Variants in SLC45A2 observed in about 807,000 individuals in gnomAD.
SLC45A2 encodes the protein membrane-associated transporter protein.
In SLC45A2, 36 loss-of-function variants were observed where a neutral mutation model predicts 45.5. The observed-to-expected ratio is 0.79, with a 90% CI of 0.61 to 1.04. SLC45A2 has a LOEUF of 1.04. SLC45A2 is among the 50% of genes least tolerant of loss of function. The pLI is 0.00. For synonymous variants in SLC45A2, 306 were observed against 269.3 expected, an observed-to-expected ratio of 1.14 and a Z score of -1.33; for missense variants, 719 against 671.0, an observed-to-expected ratio of 1.07 and a Z score of -0.79.
At chr5:33,972,024 GA>G in intron 2 of SLC45A2, 1 of 465,366 alleles carries the variant, frequency 2.1e-6, no homozygotes, top group Non-Finnish European at 4.3e-6. Flanking sequence ...TTACAGGTGT[GA>G]GCCACCACAC....
chr5:33,977,425 A>C (rs192045005), intron 2 of SLC45A2, among the ~76,000 whole-genome samples: 3 of 152,272 alleles, frequency 2.0e-5, no homozygotes, highest in African/African-American at 7.2e-5. Context: ...TCATCTACTC[A>C]ATAAACTTTT....
At chr5:33,972,046 C>G (rs1188730878) in intron 2 of SLC45A2, 1 of 477,186 alleles carries the variant, frequency 2.1e-6, no homozygotes, top group African/African-American at 2.0e-5. Context: ...CTGGCCAGGA[C>G]TGCAATTTCT....
chr5:33,966,427 CTT>C (rs367752652), intron 2 of SLC45A2, among the ~76,000 whole-genome samples: 8,713 of 94,626 alleles, frequency 0.092, 281 homozygotes, highest in East Asian at 0.31. Context: ...AAGCTACTTT[CTT>C]TTTTTTTTTT....
rs891359209 is a variant in SLC45A2, at chr5:33,984,269, G to A, written c.315C>T (p.Tyr105=). ...GCATCATGACTCCCAGGGTGAGGAT[G>A]TAGGGTCTCCGGCGGCCCCACCTGG... ...CRSRWGRRRP[Y]ILTLGVMMLV... Residue 105 remains tyrosine (Y), a synonymous_variant, in exon 1 of 7, where the codon TAC becomes TAT. Transcript: ENST00000296589. The A allele has an allele frequency of 6.2e-7, 1 of 1,614,210 alleles. No individual in the cohort carries two copies. Among genetic ancestry groups the A allele is most frequent in the Non-Finnish European group, 8.5e-7 (1 of 1,180,040 alleles).
chr5:33,951,431 G>A (rs191174743), intron 5 of SLC45A2, 123 bp downstream of exon 5: 22 of 1,594,568 alleles, frequency 1.4e-5, no homozygotes, highest in African/African-American at 6.7e-5. Flanking sequence ...TTTTCCTGAC[G>A]TCCATAGATT....
At chr5:33,974,733 G>A (rs887954893) in intron 2 of SLC45A2, among the ~76,000 whole-genome samples, 1 of 152,122 alleles carries the variant, frequency 6.6e-6, no homozygotes. Context: ...ATACCACAGT[G>A]GGATCACATA....
At chr5:33,960,748 T>C (rs1057366390) in intron 3 of SLC45A2, among the ~76,000 whole-genome samples, 3 of 152,120 alleles carry the variant, frequency 2.0e-5, no homozygotes, top group East Asian at 3.8e-4. Context: ...TGTTCCCCAA[T>C]AGCCTATGGA....
chr5:33,951,111 C>T (rs1008043280), intron 5 of SLC45A2, among the ~76,000 whole-genome samples: 1 of 152,218 alleles, frequency 6.6e-6, no homozygotes, highest in African/African-American at 2.4e-5. Context: ...CCCAGTTACA[C>T]ATCTGAGCTA....
At chr5:33,966,735 C>A (rs1173929129) in intron 2 of SLC45A2, among the ~76,000 whole-genome samples, 1 of 152,170 alleles carries the variant, frequency 6.6e-6, no homozygotes, top group East Asian at 1.9e-4. Context: ...GTAAATCTGA[C>A]AGGATTTCTC....
intron 2 of SLC45A2, among the ~76,000 whole-genome samples, chr5:33,964,451 T>C (rs556547259): frequency 6.6e-6 from 1 of 152,326 alleles, no homozygotes; most frequent in East Asian, 1.9e-4. Flanking sequence ...AACCAATTTC[T>C]GGCAGCAATA....
In SLC45A2 at chr5:33,963,802, T is replaced by G. The variant is rs765425532; in HGVS notation, c.777A>C (p.Pro259=). Residue 259 remains proline, a synonymous_variant, in exon 3 of 7, where the codon CCA becomes CCC. Coordinates refer to ENST00000296589, the MANE Select transcript of SLC45A2 (RefSeq NM_016180.5). ...ACTCGTACATTCCATCTGATGACAA[T>G]GGAGGGTCCTGAGGGGTTTGCTGTG... ...IPPQQTPQDP[P]LSSDGMYEYG... 5.5e-5 allele frequency: 88 copies of G among 1,614,070 alleles called. No homozygotes were observed. The highest frequency in any genetic ancestry group is 6.4e-5 in the Non-Finnish European group (75 of 1,180,026).
At chr5:33,978,345 G>C (rs1752987091) in intron 2 of SLC45A2, among the ~76,000 whole-genome samples, 1 of 152,048 alleles carries the variant, frequency 6.6e-6, no homozygotes. Flanking sequence ...ATATTTCTTT[G>C]ATATATCTTG....
rs78855057 is a variant in SLC45A2, at chr5:33,946,383, A to G, written c.1368+780T>C. The stretch of plus-strand genomic sequence containing the variant: ...ATATGTTCAGTGTTTTTGCAGTTTC[A>G]TGCTGAGCTGGATTAAACTTGGAGT... On this transcript the variant is annotated intron_variant, in intron 6 of 6. Transcript: ENST00000296589. 7 of 985,550 alleles carry G rather than the reference A, an allele frequency of 7.1e-6. No homozygotes were observed. The African/African-American group carries it at 1.0e-4, about 15-fold the overall frequency. The allele number at this position is 985,550 out of a possible 1,614,324, so 61.1% of individuals were successfully genotyped here.
At chr5:33,952,008 A>AC (rs1215202121) in intron 4 of SLC45A2, among the ~76,000 whole-genome samples, 1 of 152,036 alleles carries the variant, frequency 6.6e-6, no homozygotes, top group African/African-American at 2.4e-5. Flanking sequence ...ACTCATCTCC[A>AC]CATGGGCCAT....
At position 33,978,424 on chromosome 5, in the gene SLC45A2, G is replaced by GT. The variant is rs201132993; in HGVS notation, c.562+3811dup. On this transcript the variant is annotated intron_variant, in intron 2 of 6. Coordinates refer to ENST00000296589, the MANE Select transcript of SLC45A2 (RefSeq NM_016180.5). Reference sequence around the variant, plus strand: ...TGTAGAGAACCTCCTTCCCTTACCAGTTTTTTTTTAGAGAGCCTGACACCT... The same window carrying GT: ...TGTAGAGAACCTCCTTCCCTTACCAGTTTTTTTTTTAGAGAGCCTGACACCT... Among the ~76,000 whole-genome samples the GT allele has an allele frequency of 6.4e-3, 973 of 151,000 alleles. 9 individuals are homozygous for GT. The highest frequency in any genetic ancestry group is 0.022 in the African/African-American group (911 of 41,178).
Position 33,974,069 on chromosome 5 carries a change from C to T in SLC45A2, c.562+8167G>A, listed in dbSNP as rs1196078171. Among the ~76,000 whole-genome samples the T allele has an allele frequency of 3.3e-5, 5 of 152,180 alleles. No homozygotes were observed. The East Asian group carries it at 9.6e-4, about 29-fold the overall frequency. On this transcript the variant is annotated intron_variant, in intron 2 of 6. Coordinates refer to ENST00000296589, the MANE Select transcript of SLC45A2 (RefSeq NM_016180.5). ...ACAGCAAAGTCTTGGGTTCAAGTAG[C>T]AGAAATACGCTTGGTTAGACTCCCT...
chr5:33,963,028 G>A (rs1032529735), intron 3 of SLC45A2, among the ~76,000 whole-genome samples: 2 of 152,224 alleles, frequency 1.3e-5, no homozygotes, highest in African/African-American at 4.8e-5. Flanking sequence ...GCCCTATGGG[G>A]CCTTTGAGCA....
At chr5:33,968,981 T>G (rs1752689314) in intron 2 of SLC45A2, among the ~76,000 whole-genome samples, 1 of 151,848 alleles carries the variant, frequency 6.6e-6, no homozygotes, top group South Asian at 2.1e-4. Context: ...ATTAGGTGCA[T>G]GCTTCCTACT....
At chr5:33,955,408 C>T (rs1463156319) in intron 3 of SLC45A2, among the ~76,000 whole-genome samples, 1 of 152,158 alleles carries the variant, frequency 6.6e-6, no homozygotes, top group Non-Finnish European at 1.5e-5. Context: ...CTTACCCAGG[C>T]TTCTGATCTA....
Sources: allele counts gnomAD v4.1 joint callset (sites outside exome capture counted in the v4.1 genomes callset), GRCh38; gene constraint gnomAD v4.1.1; transcripts MANE v1.5; gene names NCBI Gene and HGNC (gene_info 2026-07-23, HGNC 2026-07-21).